LRP6: variants seen among roughly 807,000 people sequenced by gnomAD.
LRP6 encodes LDL receptor related protein 6.
In LRP6, 43 loss-of-function variants were observed where a neutral mutation model predicts 184.1. The ratio of observed to expected loss-of-function variants is 0.23; its 90% CI spans 0.18 to 0.30. The LOEUF is 0.30. Among genes scored for constraint, LRP6 ranks in the 10% least tolerant of loss-of-function variants. LRP6 has a pLI of 1.00. For missense variants in LRP6, 1,571 were observed against 2,005.3 expected (o/e 0.78, Z 4.14); for synonymous variants, 719 against 684.9 (o/e 1.05, Z -0.78).
chr12:12,266,884 G>C lies in LRP6; in HGVS notation c.-149C>G. 1.4e-6 allele frequency: 1 copy of C among 731,196 alleles called. No homozygotes were observed. Among genetic ancestry groups the C allele is most frequent in the Non-Finnish European group, 2.4e-6 (1 of 421,374 alleles). The allele number at this position is 731,196 out of a possible 1,614,324, so 45.3% of individuals were successfully genotyped here. On this transcript the variant is annotated 5_prime_UTR_variant, in exon 1 of 23. Transcript: ENST00000261349. The stretch of plus-strand genomic sequence containing the variant: ...AGAAGAAAGAAAGGGGCACGTCAAG[G>C]TTCCGCGCGCGCCGCCGCCGCCCTC...
intron 9 of LRP6, among the ~76,000 whole-genome samples, chr12:12,163,933 C>T (rs1023604766): frequency 2.0e-5 from 3 of 152,038 alleles, no homozygotes; most frequent in Non-Finnish European, 2.9e-5. Flanking sequence ...AGAGTTCGAG[C>T]GGCCTGGCCA....
chr12:12,191,292 G>A (rs1204663355), intron 3 of LRP6, among the ~76,000 whole-genome samples: 1 of 152,140 alleles, frequency 6.6e-6, no homozygotes, highest in Non-Finnish European at 1.5e-5. Flanking sequence ...ACTGGGAGCG[G>A]ACTGAAAAGT....
At chr12:12,164,072 G>A (rs1328987346) in intron 9 of LRP6, among the ~76,000 whole-genome samples, 1 of 151,626 alleles carries the variant, frequency 6.6e-6, no homozygotes, top group Non-Finnish European at 1.5e-5. Context: ...AGGGGTTGCA[G>A]TGAGCCGAGA....
At chr12:12,143,948 G>A (rs973168383) in intron 15 of LRP6, among the ~76,000 whole-genome samples, 4 of 152,084 alleles carry the variant, frequency 2.6e-5, no homozygotes, top group Admixed American at 6.6e-5. Flanking sequence ...CATAGTGTAC[G>A]TTGTACGCAT....
intron 7 of LRP6, among the ~76,000 whole-genome samples, chr12:12,176,275 T>A (rs1392125829): frequency 6.6e-6 from 1 of 152,190 alleles, no homozygotes; most frequent in East Asian, 1.9e-4. Flanking sequence ...AATGAAGTCA[T>A]TTCAGCATAA....
At chr12:12,235,735 AAAAAAAGAAAAAG>A (rs1225002083) in intron 2 of LRP6, among the ~76,000 whole-genome samples, 1 of 151,926 alleles carries the variant, frequency 6.6e-6, no homozygotes, top group Non-Finnish European at 1.5e-5. Context: ...CGGCTCAAAA[AAAAAAAGAAAAAG>A]AAAAAAGAAA....
rs1260398327 is a variant in LRP6 at position 12,162,298 on chromosome 12, C to G, written c.2174G>C (p.Gly725Ala). The part of the protein sequence containing the change: ...LGKNLYWADT[G>A]TNRIEVSKLD... ...CTTTGACACCTCAATTCGATTCGTTCCTGTGTCTGCCCAGTACAAGTTCTT... is the reference window on the plus strand; with the variant it reads ...CTTTGACACCTCAATTCGATTCGTTGCTGTGTCTGCCCAGTACAAGTTCTT... Residue 725 changes from glycine to alanine, a missense_variant, in exon 10 of 23, where the codon GGA (glycine) becomes GCA (alanine). This residue lies in a region of LRP6 where 158 missense variants were observed against 258.4 expected (regional missense o/e 0.61). Transcript: ENST00000261349. 3 of 1,614,040 alleles carry G rather than the reference C, an allele frequency of 1.9e-6. No homozygotes were observed. In the African/African-American group the frequency reaches 4.0e-5, roughly 22 times the overall value.
At chr12:12,226,106 G>T (rs1400014619) in intron 2 of LRP6, among the ~76,000 whole-genome samples, 1 of 152,074 alleles carries the variant, frequency 6.6e-6, no homozygotes, top group Non-Finnish European at 1.5e-5. Flanking sequence ...CCACCTAAGG[G>T]GATGAAAAGA....
chr12:12,149,277 G>A lies in LRP6; in HGVS notation c.2995-124C>T, dbSNP rs896815432. On this transcript the variant is annotated intron_variant, in intron 13 of 22. Transcript: ENST00000261349. ...AGAAGGCTCTCTCAAGTCTTAAGGAGTATTTCTTACTGATACCTTTTTTTA... is the reference window on the plus strand; with the variant it reads ...AGAAGGCTCTCTCAAGTCTTAAGGAATATTTCTTACTGATACCTTTTTTTA... 25 of 786,200 alleles carry A rather than the reference G, an allele frequency of 3.2e-5. No individual in the cohort carries two copies. The Admixed American group carries it at 4.5e-4, about 14-fold the overall frequency. The allele number at this position is 786,200 out of a possible 1,614,324, so 48.7% of individuals were successfully genotyped here.
Position 12,116,672 on chromosome 12 carries a change from A to G in LRP6, c.*4454T>C, listed in dbSNP as rs926912392. 1.3e-5 allele frequency: 2 copies of G among 152,196 alleles called. No homozygotes were observed. Among genetic ancestry groups the G allele is most frequent in the African/African-American group, 4.8e-5 (2 of 41,438 alleles). The allele number at this position is 152,196 out of a possible 1,614,324, so 9.4% of individuals were successfully genotyped here. A position where few individuals can be genotyped will look rare whatever the true frequency, so the allele number is the denominator to read the frequency against. On this transcript the variant is annotated 3_prime_UTR_variant, in exon 23 of 23. Coordinates refer to ENST00000261349, the MANE Select transcript of LRP6 (RefSeq NM_002336.3). ...CCTAAGTGATGGTGGAGAATCTAAC[A>G]GTTCGTTAGGTCTGTACTCTGCTTC... is the stretch of plus-strand genomic sequence containing the variant.
At chr12:12,135,495 A>G (rs1034623333) in intron 16 of LRP6, among the ~76,000 whole-genome samples, 195 bp from the exon 17 acceptor site, 1 of 148,726 alleles carries the variant, frequency 6.7e-6, no homozygotes, top group African/African-American at 2.5e-5. Context: ...TATTATTATT[A>G]TTATTATTAT....
intron 2 of LRP6, among the ~76,000 whole-genome samples, chr12:12,211,585 T>C (rs1864212147): frequency 6.6e-6 from 1 of 152,188 alleles, no homozygotes; most frequent in Non-Finnish European, 1.5e-5. Flanking sequence ...TCATCCCATG[T>C]TTTTACCTGT....
chr12:12,128,727 C>T (rs1949707452), intron 19 of LRP6, among the ~76,000 whole-genome samples: 1 of 152,228 alleles, frequency 6.6e-6, no homozygotes, highest in African/African-American at 2.4e-5. Context: ...ATCAATCAAA[C>T]ATTACATCTG....
intron 3 of LRP6, among the ~76,000 whole-genome samples, chr12:12,199,485 T>C (rs527919242): frequency 3.9e-5 from 6 of 152,290 alleles, no homozygotes; most frequent in African/African-American, 1.4e-4. Context: ...AAGTGCATCA[T>C]TTGTACAAAA....
chr12:12,180,240 CTTTTTT>C (rs35341305), intron 6 of LRP6, among the ~76,000 whole-genome samples: 5 of 126,104 alleles, frequency 4.0e-5, no homozygotes, highest in Admixed American at 3.3e-4. Flanking sequence ...AGTTTTACTT[CTTTTTT>C]TTTTTTTTTT....
intron 2 of LRP6, among the ~76,000 whole-genome samples, chr12:12,217,519 G>A (rs960403067): frequency 6.6e-5 from 10 of 152,088 alleles, no homozygotes; most frequent in African/African-American, 2.4e-4. Flanking sequence ...CCAGTCCGTG[G>A]AAAAACTGTC....
intron 2 of LRP6, among the ~76,000 whole-genome samples, chr12:12,203,978 A>G (rs551574472): frequency 5.9e-4 from 90 of 152,180 alleles, no homozygotes; most frequent in Non-Finnish European, 9.6e-4. Context: ...GTATCTCCCC[A>G]CAGATTACTT....
At chr12:12,179,346 A>T in intron 7 of LRP6, among the ~76,000 whole-genome samples, 1 of 151,354 alleles carries the variant, frequency 6.6e-6, no homozygotes, top group African/African-American at 2.4e-5. Flanking sequence ...CCCCAACACC[A>T]GTTAACAGCA....
intron 16 of LRP6, among the ~76,000 whole-genome samples, 153 bp from the exon 17 acceptor site, chr12:12,135,453 T>C (rs1340508833): frequency 6.8e-6 from 1 of 147,966 alleles, no homozygotes; most frequent in Non-Finnish European, 1.5e-5. Context: ...TTTATTATTA[T>C]TATTATGGAC....
Sources: allele counts gnomAD v4.1 joint callset (sites outside exome capture counted in the v4.1 genomes callset), GRCh38; gene constraint gnomAD v4.1.1; regional missense constraint gnomAD v4.1.1; transcripts MANE v1.5; gene names NCBI Gene and HGNC (gene_info 2026-07-23, HGNC 2026-07-21).